SYT17: variants seen among roughly 807,000 people sequenced by gnomAD.
SYT17 encodes the protein synaptotagmin-17.
A neutral mutation model predicts 46.7 loss-of-function variants in SYT17; 22 were observed. The ratio of observed to expected loss-of-function variants is 0.47; its 90% CI spans 0.34 to 0.67. The LOEUF (loss-of-function observed/expected upper bound fraction) is 0.67, where lower values mean the gene tolerates loss of function less well. Among genes scored for constraint, SYT17 ranks in the 30% least tolerant of loss-of-function variants. The pLI, the probability that SYT17 is intolerant of heterozygous loss-of-function variation, is 0.01. For synonymous variants in SYT17, 251 were observed against 248.4 expected (o/e 1.01, Z -0.10); for missense variants, 519 against 612.8 (o/e 0.85, Z 1.62).
intron 7 of SYT17, among the ~76,000 whole-genome samples, chr16:19,229,450 G>C (rs904587802): frequency 2.0e-5 from 3 of 152,056 alleles, no homozygotes; most frequent in African/African-American, 7.2e-5. Context: ...TAAACAAGCA[G>C]ATCTCAGGAG....
At chr16:19,172,383 T>C in intron 1 of SYT17, 8 of 1,405,022 alleles carry the variant, frequency 5.7e-6, no homozygotes, top group Non-Finnish European at 7.3e-6. Context: ...TTGGGTTGGC[T>C]ACATGGCTAT....
At chr16:19,215,083 C>T (rs555763496) in intron 5 of SYT17, among the ~76,000 whole-genome samples, 22 of 152,268 alleles carry the variant, frequency 1.4e-4, no homozygotes, top group Admixed American at 5.9e-4. Flanking sequence ...CCACCGTGCC[C>T]GGACAAAAAG....
chr16:19,170,882 C>T (rs1964054492), intron 1 of SYT17: 1 of 152,178 alleles, frequency 6.6e-6, no homozygotes, highest in South Asian at 2.1e-4. Context: ...TACTGGGTTC[C>T]ACTAGGTCTT....
Position 19,179,627 on chromosome 16 carries a change from C to T in SYT17, c.183-764C>T, listed in dbSNP as rs955924122. Among the ~76,000 whole-genome samples the T allele has an allele frequency of 2.0e-5, 3 of 152,294 alleles. No homozygotes were observed. In the South Asian group the frequency reaches 6.2e-4, roughly 32 times the overall value. On this transcript the variant is annotated intron_variant, in intron 3 of 7. Coordinates refer to ENST00000355377, the MANE Select transcript of SYT17 (RefSeq NM_016524.4). ...TTACAACCACCGTATAATGTGGGTACTGTCAATATTTCCACTTTACAGATG... is the reference window on the plus strand; with the variant it reads ...TTACAACCACCGTATAATGTGGGTATTGTCAATATTTCCACTTTACAGATG...
At chr16:19,250,898 A>G (rs1353550500) in intron 7 of SYT17, among the ~76,000 whole-genome samples, 1 of 152,178 alleles carries the variant, frequency 6.6e-6, no homozygotes, top group Non-Finnish European at 1.5e-5. Context: ...CCCCCAGGGC[A>G]GCCATCATCC....
At chr16:19,193,374 A>C (rs955069815) in intron 5 of SYT17, among the ~76,000 whole-genome samples, 2 of 152,252 alleles carry the variant, frequency 1.3e-5, no homozygotes, top group African/African-American at 4.8e-5. Context: ...TGGGCCTAGA[A>C]GAAGAAAATA....
chr16:19,249,302 A>G (rs1299646202), intron 7 of SYT17, among the ~76,000 whole-genome samples: 1 of 150,114 alleles, frequency 6.7e-6, no homozygotes, highest in East Asian at 1.9e-4. Context: ...AAATAAATAA[A>G]TAAATAAGTA....
At chr16:19,179,937 T>C (rs1370595499) in intron 3 of SYT17, among the ~76,000 whole-genome samples, 1 of 152,246 alleles carries the variant, frequency 6.6e-6, no homozygotes, top group Non-Finnish European at 1.5e-5. Flanking sequence ...ATAGGATATT[T>C]TTAAAAGATC....
intron 7 of SYT17, among the ~76,000 whole-genome samples, chr16:19,264,452 A>C (rs1021478354): frequency 2.6e-5 from 4 of 152,172 alleles, no homozygotes; most frequent in African/African-American, 9.7e-5. Flanking sequence ...ATTCTATGGG[A>C]TCAATTCCTA....
chr16:19,231,122 T>A (rs893513831), intron 7 of SYT17, among the ~76,000 whole-genome samples: 1 of 152,212 alleles, frequency 6.6e-6, no homozygotes, highest in African/African-American at 2.4e-5. Context: ...TCCCTCTCGA[T>A]GTTAGAGAAA....
intron 6 of SYT17, among the ~76,000 whole-genome samples, chr16:19,224,362 G>A (rs1966426298): frequency 6.6e-6 from 1 of 152,180 alleles, no homozygotes; most frequent in Non-Finnish European, 1.5e-5. Flanking sequence ...ATAAGCAGAT[G>A]AATGGGAAAA....
chr16:19,173,406 G>T (rs560355939), intron 2 of SYT17, 24 bp from the exon 3 acceptor site: 3 of 97,776 alleles, frequency 3.1e-5, no homozygotes, highest in Non-Finnish European at 5.4e-5. Flanking sequence ...CCATCCCCCC[G>T]CCCACCTCCC....
Position 19,267,936 on chromosome 16 carries a change from TAG to T in SYT17, c.*861_*862del. 7.5e-6 allele frequency: 1 copy of T among 133,672 alleles called. No homozygotes were observed. Among genetic ancestry groups the T allele is most frequent in the African/African-American group, 3.2e-5 (1 of 31,578 alleles). The allele number at this position is 133,672 out of a possible 1,614,324, so 8.3% of individuals were successfully genotyped here. ...TCAGAGATCCCACTTTGGATAAAAG[TAG>T]TGTGTGTGTGTGTGTGTGTGTGTGT... On this transcript the variant is annotated 3_prime_UTR_variant, in exon 8 of 8. Transcript: ENST00000355377.
rs143925273 is a variant in SYT17 at position 19,176,416 on chromosome 16, A to AT, written c.182+2840dup. Among the ~76,000 whole-genome samples the AT allele has an allele frequency of 6.7e-3, 1,021 of 152,322 alleles. 11 individuals carry two copies. Among genetic ancestry groups the AT allele is most frequent in the African/African-American group, 0.023 (975 of 41,576 alleles). On this transcript the variant is annotated intron_variant, in intron 3 of 7. Coordinates refer to ENST00000355377, the MANE Select transcript of SYT17 (RefSeq NM_016524.4). ...CCACCAGAAACACAGGAACTGAACT[A>AT]TTAGACCAGGGGTTGGCAAACTTTT...
At chr16:19,223,991 T>C (rs1966414147) in intron 6 of SYT17, among the ~76,000 whole-genome samples, 1 of 152,240 alleles carries the variant, frequency 6.6e-6, no homozygotes, top group Non-Finnish European at 1.5e-5. Context: ...GTGCCTCAAT[T>C]TCTCAATCTC....
intron 7 of SYT17, among the ~76,000 whole-genome samples, chr16:19,262,386 C>T (rs1969042833): frequency 6.6e-6 from 1 of 152,210 alleles, no homozygotes; most frequent in African/African-American, 2.4e-5. Context: ...GACACTGAAT[C>T]TGCTGGTACC....
rs563920204 is a variant in SYT17 at position 19,183,628 on chromosome 16, C to T, written c.432C>T (p.Leu144=). 3 of 1,614,184 alleles carry T rather than the reference C, an allele frequency of 1.9e-6. No individual in the cohort carries two copies. Among genetic ancestry groups the T allele is most frequent in the East Asian group, 2.2e-5 (1 of 44,882 alleles). ...AGGAGCCCATCCAACCTTCGGTGCTCAGACGGACCTATAACCCCGACGACT... is the reference window on the plus strand; with the variant it reads ...AGGAGCCCATCCAACCTTCGGTGCTTAGACGGACCTATAACCCCGACGACT... ...AKKEPIQPSV[L]RRTYNPDDYF... The change falls in exon 5 of 8, where the codon CTC becomes CTT. Residue 144 remains leucine (L), a synonymous_variant. Coordinates refer to ENST00000355377, the MANE Select transcript of SYT17 (RefSeq NM_016524.4). This position sits in a 1 kb window ranked among gnomAD's most constrained non-coding sequence, Gnocchi z 5.6.
intron 7 of SYT17, among the ~76,000 whole-genome samples, chr16:19,241,963 A>G (rs769180408): frequency 4.6e-5 from 7 of 152,280 alleles, no homozygotes; most frequent in African/African-American, 9.6e-5. Context: ...ACTATCATCA[A>G]TAGGAGTCAT....
intron 7 of SYT17, 33 bp from the exon 8 acceptor site, chr16:19,266,847 C>T: frequency 6.3e-7 from 1 of 1,596,216 alleles, no homozygotes; most frequent in South Asian, 1.1e-5. Context: ...TTCCTCTTGC[C>T]TCCCTCCTGC....
Sources: allele counts gnomAD v4.1 joint callset (sites outside exome capture counted in the v4.1 genomes callset), GRCh38; gene constraint gnomAD v4.1.1; non-coding constraint Gnocchi (gnomAD v3.1); transcripts MANE v1.5; gene names NCBI Gene and HGNC (gene_info 2026-07-23, HGNC 2026-07-21).